Variants in SUCLG2 observed in about 807,000 individuals in gnomAD.
SUCLG2 encodes the protein succinate-CoA ligase GDP-forming subunit beta.
Under a neutral mutation model 47.9 loss-of-function variants are expected in SUCLG2, and 42 were observed. That is an observed-to-expected ratio of 0.88 (90% CI 0.69 to 1.14). SUCLG2 has a LOEUF of 1.14. Ranked by LOEUF, SUCLG2 falls within the 50% of genes most tolerant of loss-of-function variation. The pLI, the probability that SUCLG2 is intolerant of heterozygous loss-of-function variation, is 0.00. For synonymous variants in SUCLG2, 195 were observed against 197.3 expected, an observed-to-expected ratio of 0.99 and a Z score of 0.10; for missense variants, 571 against 525.9, an observed-to-expected ratio of 1.09 and a Z score of -0.84.
At chr3:67,621,074 G>A (rs1206521428) in intron 1 of SUCLG2, among the ~76,000 whole-genome samples, 1 of 152,202 alleles carries the variant, frequency 6.6e-6, no homozygotes, top group East Asian at 1.9e-4. Context: ...TATAGGCTTT[G>A]AGGCCAGGTG....
intron 10 of SUCLG2, among the ~76,000 whole-genome samples, chr3:67,394,992 A>T (rs2106799427): frequency 6.6e-6 from 1 of 152,308 alleles, no homozygotes; most frequent in Non-Finnish European, 1.5e-5. Flanking sequence ...TGTCACCACC[A>T]GGCCTGCCCT....
intron 9 of SUCLG2, among the ~76,000 whole-genome samples, chr3:67,444,020 A>G (rs1703850564): frequency 4.2e-5 from 5 of 119,106 alleles, no homozygotes; most frequent in East Asian, 6.8e-4. Context: ...TGGGGGGGTC[A>G]GCCCCCCGCC....
At chr3:67,510,889 C>CTTT (rs369542916) in intron 6 of SUCLG2, among the ~76,000 whole-genome samples, 17 of 124,138 alleles carry the variant, frequency 1.4e-4, no homozygotes, top group East Asian at 7.0e-4. Flanking sequence ...TTAAATTGTT[C>CTTT]TTTTTTTTTT....
intron 10 of SUCLG2, among the ~76,000 whole-genome samples, chr3:67,381,915 A>G (rs1702166657): frequency 6.6e-6 from 1 of 152,152 alleles, no homozygotes; most frequent in African/African-American, 2.4e-5. Flanking sequence ...AATTTATCAA[A>G]ATTTCTTCTT....
At chr3:67,473,045 GA>G in intron 9 of SUCLG2, among the ~76,000 whole-genome samples, 1 of 152,014 alleles carries the variant, frequency 6.6e-6, no homozygotes, top group South Asian at 2.1e-4. Context: ...TTATTAAGTG[GA>G]AAAAACAGTA....
chr3:67,400,123 T>C lies in SUCLG2; in HGVS notation c.1183+608A>G, dbSNP rs543488583. Among the ~76,000 whole-genome samples, 23 of 152,286 alleles carry C rather than the reference T, an allele frequency of 1.5e-4. 1 individual carries two copies. In the South Asian group the frequency reaches 4.8e-3, roughly 32 times the overall value. On this transcript the variant is annotated intron_variant, in intron 10 of 10. Transcript: ENST00000307227. The stretch of plus-strand genomic sequence containing the variant: ...CATATACTTCAACTAAAACATGTTA[T>C]AACATTTTATGCAGAAACAGACATG...
intron 1 of SUCLG2, among the ~76,000 whole-genome samples, chr3:67,647,404 C>T (rs149792626): frequency 6.6e-6 from 1 of 152,268 alleles, no homozygotes; most frequent in African/African-American, 2.4e-5. Flanking sequence ...AAAGTCTGAA[C>T]CCAGAATACC....
chr3:67,465,074 G>A (rs1704437663), intron 9 of SUCLG2, among the ~76,000 whole-genome samples: 1 of 152,154 alleles, frequency 6.6e-6, no homozygotes, highest in South Asian at 2.1e-4. Context: ...CAAGATCCCA[G>A]AGGCATGGAG....
Position 67,609,552 on chromosome 3 carries a change from G to C in SUCLG2, c.129C>G (p.Tyr43Ter). The C allele has an allele frequency of 6.2e-7, 1 of 1,613,806 alleles. No homozygotes were observed. The highest frequency in any genetic ancestry group is 1.1e-5 in the South Asian group (1 of 91,062). The change falls in exon 2 of 11, where the codon TAC (tyrosine) becomes TAG (stop). Residue 43 changes from tyrosine to a stop codon, truncating the protein, a stop_gained. Coordinates refer to ENST00000307227, the MANE Select transcript of SUCLG2 (RefSeq NM_003848.4). LOFTEE classifies it high-confidence loss of function. Reference sequence around the variant, plus strand: ...TGTCAGACATCAGTTTCTTGCTCTGGTATTCCTGCAGGTTCAGCCATCTTC... The same window carrying C: ...TGTCAGACATCAGTTTCTTGCTCTGCTATTCCTGCAGGTTCAGCCATCTTC... ...TSRRWLNLQEYQSKKLMSDNG... is the reference protein window; with the variant it reads ...TSRRWLNLQE
intron 1 of SUCLG2, among the ~76,000 whole-genome samples, chr3:67,644,002 A>C (rs1253647061): frequency 6.6e-6 from 1 of 152,246 alleles, no homozygotes; most frequent in Admixed American, 6.5e-5. Flanking sequence ...CCTGTGCTGC[A>C]TTTGACCCAC....
intron 1 of SUCLG2, among the ~76,000 whole-genome samples, chr3:67,619,312 AT>A (rs1236397982): frequency 6.6e-6 from 1 of 152,236 alleles, no homozygotes; most frequent in Non-Finnish European, 1.5e-5. Context: ...CATTTTACAG[AT>A]AAGCAAAAGA....
intron 1 of SUCLG2, among the ~76,000 whole-genome samples, chr3:67,626,978 C>A (rs1700843312): frequency 1.4e-5 from 2 of 144,680 alleles, no homozygotes; most frequent in Non-Finnish European, 3.0e-5. Flanking sequence ...GTATATGTAT[C>A]AAAAAATTTT....
rs189323689 is a variant in SUCLG2 at position 67,412,749 on chromosome 3, C to G, written c.1063-11898G>C. Among the ~76,000 whole-genome samples, 52 of 152,318 alleles carry G rather than the reference C, an allele frequency of 3.4e-4. 2 individuals are homozygous for G. Among genetic ancestry groups the G allele is most frequent in the African/African-American group, 1.2e-3 (48 of 41,582 alleles). On this transcript the variant is annotated intron_variant, in intron 9 of 10. Transcript: ENST00000307227. ...CAGCATTGGGACAGAAGCGATCCCACGCTGCCAGCCCCAGGTTCCTTTAAC... is the reference window on the plus strand; with the variant it reads ...CAGCATTGGGACAGAAGCGATCCCAGGCTGCCAGCCCCAGGTTCCTTTAAC...
intron 1 of SUCLG2, among the ~76,000 whole-genome samples, chr3:67,627,605 G>A (rs535414114): frequency 2.1e-4 from 32 of 152,230 alleles, no homozygotes; most frequent in African/African-American, 2.2e-4. Context: ...TTTCTCTTTC[G>A]CCATCTGGCT....
intron 9 of SUCLG2, among the ~76,000 whole-genome samples, chr3:67,424,914 C>T (rs910971550): frequency 1.3e-5 from 2 of 152,084 alleles, no homozygotes; most frequent in African/African-American, 4.8e-5. Flanking sequence ...ACTGTATTCT[C>T]CTGCTCAATC....
At chr3:67,420,427 C>T (rs991118750) in intron 9 of SUCLG2, among the ~76,000 whole-genome samples, 3 of 152,148 alleles carry the variant, frequency 2.0e-5, no homozygotes, top group African/African-American at 4.8e-5. Flanking sequence ...ATATTTTCAT[C>T]TCTGACTTCA....
intron 9 of SUCLG2, among the ~76,000 whole-genome samples, chr3:67,457,128 G>A (rs2106949057): frequency 6.9e-6 from 1 of 145,950 alleles, no homozygotes; most frequent in South Asian, 2.3e-4. Context: ...CTAATGACTT[G>A]CTCTTAATGA....
At chr3:67,480,208 T>A (rs1479311495) in intron 9 of SUCLG2, among the ~76,000 whole-genome samples, 1 of 152,080 alleles carries the variant, frequency 6.6e-6, no homozygotes, top group Non-Finnish European at 1.5e-5. Context: ...GAAAATCAAC[T>A]CTAATTTAAG....
intron 10 of SUCLG2, among the ~76,000 whole-genome samples, chr3:67,387,320 A>T (rs1035397443): frequency 2.6e-5 from 4 of 152,210 alleles, no homozygotes; most frequent in Non-Finnish European, 5.9e-5. Context: ...TGTTGATGTC[A>T]GACTGTTTTC....
Sources: gnomAD v4.1 joint callset for allele counts (sites outside exome capture counted in the v4.1 genomes callset) on GRCh38, gnomAD v4.1.1 for gene constraint, MANE v1.5 for transcripts, NCBI Gene and HGNC (gene_info 2026-07-23, HGNC 2026-07-21) for gene names.